The following CDH6 variants were observed in gnomAD, a reference collection of about 807,000 sequenced individuals.
CDH6 encodes the protein cadherin 6.
In CDH6, 31 loss-of-function variants were observed where a neutral mutation model predicts 78.0. The observed-to-expected ratio is 0.40, with a 90% CI of 0.30 to 0.54. The LOEUF (loss-of-function observed/expected upper bound fraction) is 0.54. Among genes scored for constraint, CDH6 ranks in the 20% least tolerant of loss-of-function variants. The probability of loss-of-function intolerance (pLI) is 0.56; values close to 1 mark genes in which losing one functional copy is unlikely to be tolerated. For missense variants in CDH6, 724 were observed against 975.9 expected, an observed-to-expected ratio of 0.74 and a Z score of 3.44; for synonymous variants, 376 against 368.8, an observed-to-expected ratio of 1.02 and a Z score of -0.23.
chr5:31,227,785 C>T (rs1470824047), intron 1 of CDH6, among the ~76,000 whole-genome samples: 1 of 152,208 alleles, frequency 6.6e-6, no homozygotes, highest in African/African-American at 2.4e-5. Context: ...TCCATCCCAC[C>T]TCCTGAGGGA....
chr5:31,320,780 C>T (rs930051655), intron 11 of CDH6, among the ~76,000 whole-genome samples: 3 of 152,004 alleles, frequency 2.0e-5, no homozygotes, highest in Admixed American at 6.6e-5. Flanking sequence ...GAGTTCGAGA[C>T]GAGCCTAATC....
At chr5:31,321,189 G>A (rs765988119) in intron 11 of CDH6, among the ~76,000 whole-genome samples, 13 of 108,160 alleles carry the variant, frequency 1.2e-4, no homozygotes, top group Admixed American at 7.7e-4. Context: ...GCCTAGAACT[G>A]TACCTGGTAC....
At position 31,322,772 on chromosome 5, in the gene CDH6, G is replaced by A. The variant is rs1437991152; in HGVS notation, c.1883-46G>A. ...GTTTCTTCCTGACATTAATTGGGCA[G>A]CAAATTAACTTTTCCTTCCCTTTCT... On this transcript the variant is annotated intron_variant, in intron 11 of 11. Transcript: ENST00000265071. 1.9e-6 allele frequency: 3 copies of A among 1,567,844 alleles called. No homozygotes were observed. The Admixed American group carries it at 5.7e-5, about 30-fold the overall frequency.
At position 31,275,919 on chromosome 5, in the gene CDH6, A is replaced by G. The variant is rs1286836033; in HGVS notation, c.228+8218A>G. Among the ~76,000 whole-genome samples the G allele has an allele frequency of 2.0e-5, 3 of 152,194 alleles. No individual in the cohort carries two copies. In the East Asian group the frequency reaches 5.8e-4, roughly 29 times the overall value. On this transcript the variant is annotated intron_variant, in intron 2 of 11. Coordinates refer to ENST00000265071, the MANE Select transcript of CDH6 (RefSeq NM_004932.4). ...AATGTCTTCCTTATGTTCCACCCAC[A>G]TTTACCAAAAATAAACAGACATACG...
rs1294165594 is a variant in CDH6, at chr5:31,218,515, T to G, written c.-129+24629T>G. ...CTCGTTTATTTCGACAGAAAGTTCC[T>G]AAGTGTGTTCTTGCTATCTTCCCCC... On this transcript the variant is annotated intron_variant, in intron 1 of 11. Coordinates refer to ENST00000265071, the MANE Select transcript of CDH6 (RefSeq NM_004932.4). 3.3e-5 allele frequency among the ~76,000 whole-genome samples: 5 copies of G among 152,158 alleles called. No homozygotes were observed. In the East Asian group the frequency reaches 9.7e-4, roughly 29 times the overall value.
chr5:31,242,797 G>A (rs932233035), intron 1 of CDH6, among the ~76,000 whole-genome samples: 2 of 151,450 alleles, frequency 1.3e-5, no homozygotes, highest in Non-Finnish European at 2.9e-5. Context: ...TGAGGTGGGA[G>A]GATCACTTGA....
intron 1 of CDH6, among the ~76,000 whole-genome samples, chr5:31,263,391 G>A (rs1169473657): frequency 2.0e-5 from 3 of 151,260 alleles, no homozygotes; most frequent in African/African-American, 7.3e-5. Flanking sequence ...TGAGTAGCTG[G>A]GATTACAGGC....
intron 2 of CDH6, among the ~76,000 whole-genome samples, chr5:31,273,921 C>T (rs1437829766): frequency 6.6e-6 from 1 of 151,980 alleles, no homozygotes; most frequent in Non-Finnish European, 1.5e-5. Flanking sequence ...TTTTTTTAAG[C>T]GTCTTTTTCT....
At chr5:31,206,478 CTTTAA>C (rs924154311) in intron 1 of CDH6, among the ~76,000 whole-genome samples, 7 of 152,248 alleles carry the variant, frequency 4.6e-5, no homozygotes, top group Middle Eastern at 3.4e-3. Context: ...TATCTGTTCG[CTTTAA>C]TTTGAGTCAG....
chr5:31,256,437 G>C (rs577284621), intron 1 of CDH6, among the ~76,000 whole-genome samples: 1 of 152,254 alleles, frequency 6.6e-6, no homozygotes, highest in South Asian at 2.1e-4. Context: ...CCAGAGATAA[G>C]AACCACTTGT....
intron 7 of CDH6, among the ~76,000 whole-genome samples, chr5:31,307,364 T>C (rs1467674222): frequency 1.3e-5 from 2 of 152,232 alleles, no homozygotes; most frequent in African/African-American, 2.4e-5. Context: ...TGAAACCTTA[T>C]GACAAGCCCC....
intron 1 of CDH6, among the ~76,000 whole-genome samples, chr5:31,205,071 T>C (rs992505373): frequency 2.6e-5 from 4 of 152,192 alleles, no homozygotes; most frequent in African/African-American, 7.2e-5. Context: ...AAAATGGCTT[T>C]AAAATATCAC....
At chr5:31,265,648 C>G (rs1191393979) in intron 1 of CDH6, among the ~76,000 whole-genome samples, 1 of 151,928 alleles carries the variant, frequency 6.6e-6, no homozygotes, top group South Asian at 2.1e-4. Context: ...ATCAGATTAC[C>G]TAAAACATGT....
At chr5:31,285,614 ATTATT>A (rs1742990533) in intron 2 of CDH6, among the ~76,000 whole-genome samples, 1 of 152,232 alleles carries the variant, frequency 6.6e-6, no homozygotes, top group South Asian at 2.1e-4. Flanking sequence ...ACAGAATTAA[ATTATT>A]TTATTATGAA....
chr5:31,202,058 A>C (rs937725393), intron 1 of CDH6, among the ~76,000 whole-genome samples: 4 of 152,178 alleles, frequency 2.6e-5, no homozygotes, highest in African/African-American at 9.7e-5. Flanking sequence ...CTAACTCTAT[A>C]AGCCGGAACA....
At chr5:31,303,328 T>C (rs780018027) in intron 6 of CDH6, among the ~76,000 whole-genome samples, 1 of 151,970 alleles carries the variant, frequency 6.6e-6, no homozygotes, top group Non-Finnish European at 1.5e-5. Context: ...ATGCATACTG[T>C]GAAGGAAGAG....
chr5:31,318,114 C>T, intron 11 of CDH6, 190 bp downstream of exon 11: 1 of 678,552 alleles, frequency 1.5e-6, no homozygotes, highest in South Asian at 1.7e-5. Flanking sequence ...GGAAAATGAA[C>T]AGATGTGAAA....
intron 1 of CDH6, among the ~76,000 whole-genome samples, chr5:31,214,283 C>A (rs1385567826): frequency 1.3e-5 from 2 of 152,118 alleles, no homozygotes; most frequent in Non-Finnish European, 2.9e-5. Flanking sequence ...TTAAATTCTG[C>A]AGGCCATTTT....
intron 2 of CDH6, among the ~76,000 whole-genome samples, chr5:31,268,066 C>T (rs1742412479): frequency 6.6e-6 from 1 of 152,166 alleles, no homozygotes; most frequent in South Asian, 2.1e-4. Context: ...AAGGAAGTCT[C>T]CTTTTTCTCT....
Sources: allele counts gnomAD v4.1 joint callset (sites outside exome capture counted in the v4.1 genomes callset), GRCh38; gene constraint gnomAD v4.1.1; transcripts MANE v1.5; gene names NCBI Gene and HGNC (gene_info 2026-07-23, HGNC 2026-07-21).